The following CUEDC1 variants were observed in gnomAD, a reference collection of about 807,000 sequenced individuals.
The protein encoded by CUEDC1 is CUE domain containing 1.
CUEDC1 carries 30 observed loss-of-function variants against 43.7 expected under a neutral mutation model. The observed-to-expected ratio is 0.69, with a 90% CI of 0.51 to 0.93. The LOEUF is 0.93. Among genes scored for constraint, CUEDC1 ranks in the 40% least tolerant of loss-of-function variants. The probability of loss-of-function intolerance (pLI) is 0.00; values close to 1 mark genes in which losing one functional copy is unlikely to be tolerated. For synonymous variants in CUEDC1, 223 were observed against 223.6 expected (o/e 1.00, Z 0.02); for missense variants, 486 against 549.0 (o/e 0.89, Z 1.15).
chr17:57,902,574 C>T (rs2074484451), intron 1 of CUEDC1, among the ~76,000 whole-genome samples: 1 of 152,260 alleles, frequency 6.6e-6, no homozygotes, highest in South Asian at 2.1e-4. Context: ...GAAAACCCAG[C>T]TTCCACAGGG....
At chr17:57,887,356 G>T (rs183753125) in intron 1 of CUEDC1, among the ~76,000 whole-genome samples, 1 of 152,158 alleles carries the variant, frequency 6.6e-6, no homozygotes, top group Non-Finnish European at 1.5e-5. Context: ...AATGGAATGC[G>T]CCTAAACACC....
intron 1 of CUEDC1, among the ~76,000 whole-genome samples, chr17:57,923,817 T>C (rs1451743537): frequency 6.6e-6 from 1 of 152,194 alleles, no homozygotes; most frequent in Non-Finnish European, 1.5e-5. Context: ...CCAGGCAATG[T>C]TACATAAATA....
Position 57,930,518 on chromosome 17 carries a change from C to T in CUEDC1, c.-316+24707G>A, listed in dbSNP as rs1390328313. 2.0e-5 allele frequency among the ~76,000 whole-genome samples: 3 copies of T among 152,222 alleles called. No homozygotes were observed. The highest frequency in any genetic ancestry group is 2.9e-5 in the Non-Finnish European group (2 of 68,038). ...AAAGCAGCTCAGAAGCACTTGCAAA[C>T]ATTGCGAGGAACGCTACCCACAACC... On this transcript the variant is annotated intron_variant, in intron 1 of 10. Coordinates refer to ENST00000577830, the MANE Select transcript of CUEDC1 (RefSeq NM_001271875.2). The surrounding 1 kb of genome is among the most constrained non-coding windows in gnomAD (Gnocchi z 4.2).
chr17:57,879,825 AG>A, intron 2 of CUEDC1, 87 bp from the exon 3 acceptor site: 1 of 1,356,238 alleles, frequency 7.4e-7, no homozygotes, highest in South Asian at 1.3e-5. Context: ...GTGGGAGGGC[AG>A]GTATAATAAA....
chr17:57,952,634 C>T (rs1207218883), intron 1 of CUEDC1, among the ~76,000 whole-genome samples: 4 of 152,224 alleles, frequency 2.6e-5, no homozygotes, highest in Non-Finnish European at 5.9e-5. Context: ...CCCTGTCAGA[C>T]ACCCAGCTTC....
At chr17:57,929,913 T>A (rs1369692964) in intron 1 of CUEDC1, among the ~76,000 whole-genome samples, 3 of 152,186 alleles carry the variant, frequency 2.0e-5, no homozygotes, top group South Asian at 2.1e-4. Flanking sequence ...GCAATTCTCC[T>A]GCCTCAGCCT....
At chr17:57,882,993 CT>C (rs1389265320) in intron 2 of CUEDC1, among the ~76,000 whole-genome samples, 2 of 152,116 alleles carry the variant, frequency 1.3e-5, no homozygotes, top group African/African-American at 4.8e-5. Flanking sequence ...TTCACTGCCC[CT>C]AACCCCTGCA....
chr17:57,953,738 C>T (rs2075029312), intron 1 of CUEDC1, among the ~76,000 whole-genome samples: 3 of 152,208 alleles, frequency 2.0e-5, no homozygotes, highest in Admixed American at 2.0e-4. Context: ...CAGCCCTAGT[C>T]ATATCAACAT....
chr17:57,898,295 G>T (rs1394941224), intron 1 of CUEDC1, among the ~76,000 whole-genome samples: 1 of 152,198 alleles, frequency 6.6e-6, no homozygotes, highest in African/African-American at 2.4e-5. Context: ...ACAGTGTGGA[G>T]GGCCTGTTGG....
At chr17:57,913,188 C>T (rs978390399) in intron 1 of CUEDC1, among the ~76,000 whole-genome samples, 5 of 152,114 alleles carry the variant, frequency 3.3e-5, no homozygotes, top group Admixed American at 6.5e-5. Context: ...ATTAGCTGGG[C>T]GTGGTGGCAG....
At chr17:57,924,999 G>C (rs1042720116) in intron 1 of CUEDC1, among the ~76,000 whole-genome samples, 12 of 151,962 alleles carry the variant, frequency 7.9e-5, no homozygotes, top group African/African-American at 2.9e-4. Flanking sequence ...ACTTAAAAGA[G>C]TGTTTAAAAC....
chr17:57,902,619 T>A lies in CUEDC1; in HGVS notation c.-315-16740A>T, dbSNP rs561724417. ...GTGAATTGTAGCCAGGATCTGCTGA[T>A]ACTAGTCATTTGAGAATCCCAAGAT... On this transcript the variant is annotated intron_variant, in intron 1 of 10. Transcript: ENST00000577830. Among the ~76,000 whole-genome samples, 3 of 152,356 alleles carry A rather than the reference T, an allele frequency of 2.0e-5. No homozygotes were observed. The South Asian group carries it at 6.2e-4, about 32-fold the overall frequency.
chr17:57,869,153 T>G lies in CUEDC1; in HGVS notation c.909A>C (p.Leu303Phe). The change falls in exon 7 of 11, where the codon TTA becomes TTC. Residue 303 changes from leucine to phenylalanine, a missense_variant. By Grantham distance (22) the Leu-to-Phe change is conservative. Coordinates refer to ENST00000577830, the MANE Select transcript of CUEDC1 (RefSeq NM_001271875.2). ...DANPAVSEDALFRDKLKHMGK... is the reference protein window; with the variant it reads ...DANPAVSEDAFFRDKLKHMGK... Reference sequence around the variant, plus strand: ...CCATGTGTTTCAGCTTGTCCCTGAATAAGGCATCTTCAGACACAGCGGGGT... The same window carrying G: ...CCATGTGTTTCAGCTTGTCCCTGAAGAAGGCATCTTCAGACACAGCGGGGT... 1.2e-6 allele frequency: 2 copies of G among 1,614,122 alleles called. No homozygotes were observed. Among genetic ancestry groups the G allele is most frequent in the Non-Finnish European group, 1.7e-6 (2 of 1,180,018 alleles).
rs1027003030 is a variant in CUEDC1 at position 57,954,698 on chromosome 17, C to CG, written c.-316+526dup. Among the ~76,000 whole-genome samples the CG allele has an allele frequency of 9.9e-5, 15 of 152,144 alleles. No homozygotes were observed. The highest frequency in any genetic ancestry group is 2.1e-4 in the South Asian group (1 of 4,824). On this transcript the variant is annotated intron_variant, in intron 1 of 10. Coordinates refer to ENST00000577830, the MANE Select transcript of CUEDC1 (RefSeq NM_001271875.2). The surrounding 1 kb of genome is among the most constrained non-coding windows in gnomAD (Gnocchi z 4.3). ...AGGCTGAGCCGACCTGTGACATCGG[C>CG]GGGGGGCAGGAAGCGAAGCTCCCCT...
chr17:57,899,253 G>A (rs1021326987), intron 1 of CUEDC1, among the ~76,000 whole-genome samples: 5 of 152,124 alleles, frequency 3.3e-5, no homozygotes, highest in African/African-American at 1.2e-4. Flanking sequence ...TGGGCCAGCT[G>A]CACCCCCCCA....
At chr17:57,938,317 A>G (rs573949786) in intron 1 of CUEDC1, among the ~76,000 whole-genome samples, 20 of 152,342 alleles carry the variant, frequency 1.3e-4, no homozygotes, top group Non-Finnish European at 2.6e-4. Flanking sequence ...CTAACGCCCT[A>G]TAAACCTAGC....
chr17:57,920,044 G>T (rs778862607), intron 1 of CUEDC1, among the ~76,000 whole-genome samples: 3 of 152,174 alleles, frequency 2.0e-5, no homozygotes, highest in Non-Finnish European at 4.4e-5. Context: ...CAACGCTGCA[G>T]GAAAGATGCC....
In CUEDC1 at chr17:57,879,613, G is replaced by C; in HGVS notation, c.462C>G (p.Pro154=). The change falls in exon 3 of 11, where the codon CCC becomes CCG. Residue 154 remains proline (P), a splice_region_variant and synonymous_variant. Transcript: ENST00000577830. ...PYPLAPPTPP[P]RIDALGSGAP... ...TCTGAGACATGACAGATTCTCACCGGGGAGGCGGAGTCGGGGGAGCCAGAG... is the reference window on the plus strand; with the variant it reads ...TCTGAGACATGACAGATTCTCACCGCGGAGGCGGAGTCGGGGGAGCCAGAG... The C allele has an allele frequency of 6.3e-7, 1 of 1,590,012 alleles. No homozygotes were observed. The highest frequency in any genetic ancestry group is 8.5e-7 in the Non-Finnish European group (1 of 1,172,188).
chr17:57,905,586 C>T (rs576169399), intron 1 of CUEDC1, among the ~76,000 whole-genome samples: 1 of 152,196 alleles, frequency 6.6e-6, no homozygotes. Flanking sequence ...CGTGCAAAGC[C>T]GTAAATGCAG....
Sources: gnomAD v4.1 joint callset for allele counts (sites outside exome capture counted in the v4.1 genomes callset) on GRCh38, gnomAD v4.1.1 for gene constraint, Gnocchi (gnomAD v3.1) non-coding constraint, MANE v1.5 for transcripts, NCBI Gene and HGNC (gene_info 2026-07-23, HGNC 2026-07-21) for gene names.